ATP2B1: variants seen among roughly 807,000 people sequenced by gnomAD.
ATP2B1 encodes plasma membrane calcium-transporting ATPase 1.
In ATP2B1, 14 loss-of-function variants were observed where a neutral mutation model predicts 124.2. The observed-to-expected ratio is 0.11, with a 90% CI of 0.07 to 0.18. ATP2B1 has a LOEUF of 0.18. ATP2B1 is among the 10% of genes least tolerant of loss of function. The pLI is 1.00. For synonymous variants in ATP2B1, 449 were observed against 492.4 expected (o/e 0.91, Z 1.17); for missense variants, 763 against 1,466.1 (o/e 0.52, Z 7.83).
At chr12:89,664,851 C>CTTT (rs71307587) in intron 1 of ATP2B1, among the ~76,000 whole-genome samples, 3 of 142,858 alleles carry the variant, frequency 2.1e-5, no homozygotes, top group Non-Finnish European at 3.1e-5. Flanking sequence ...TTATGCTATT[C>CTTT]TTTTTTTTTT....
chr12:89,629,708 T>C (rs1239887444), intron 6 of ATP2B1, among the ~76,000 whole-genome samples: 1 of 152,220 alleles, frequency 6.6e-6, no homozygotes, highest in Non-Finnish European at 1.5e-5. Context: ...ATGGGTTTAC[T>C]ATCCTAAATA....
At chr12:89,704,132 A>G (rs1450051172) in intron 1 of ATP2B1, among the ~76,000 whole-genome samples, 2 of 152,220 alleles carry the variant, frequency 1.3e-5, no homozygotes, top group East Asian at 1.9e-4. Flanking sequence ...TTTAGGTAAT[A>G]AACATGTTAT....
At chr12:89,655,042 C>T (rs1447015288) in intron 2 of ATP2B1, among the ~76,000 whole-genome samples, 1 of 152,134 alleles carries the variant, frequency 6.6e-6, no homozygotes, top group Non-Finnish European at 1.5e-5. Context: ...AATGAATTCT[C>T]CTTTTTGATT....
At chr12:89,660,140 A>G (rs1886524657) in intron 1 of ATP2B1, among the ~76,000 whole-genome samples, 1 of 152,182 alleles carries the variant, frequency 6.6e-6, no homozygotes, top group African/African-American at 2.4e-5. Flanking sequence ...TATATTAGAT[A>G]GAAAAGGACC....
At chr12:89,644,100 G>A (rs763760468) in intron 2 of ATP2B1, among the ~76,000 whole-genome samples, 1 of 151,856 alleles carries the variant, frequency 6.6e-6, no homozygotes, top group Non-Finnish European at 1.5e-5. Flanking sequence ...CCAGCCTGGG[G>A]GATAGAGCAA....
chr12:89,648,923 G>A (rs1029163815), intron 2 of ATP2B1, among the ~76,000 whole-genome samples: 19 of 152,240 alleles, frequency 1.2e-4, no homozygotes, highest in African/African-American at 4.6e-4. Context: ...CCACAGCTCT[G>A]GAGGGTGCAA....
intron 2 of ATP2B1, among the ~76,000 whole-genome samples, chr12:89,654,419 A>T (rs1196805260): frequency 6.6e-6 from 1 of 152,206 alleles, no homozygotes; most frequent in East Asian, 1.9e-4. Flanking sequence ...ATAACTAAGA[A>T]GCTGGTGTTT....
intron 1 of ATP2B1, among the ~76,000 whole-genome samples, chr12:89,686,260 T>C (rs770684659): frequency 6.6e-6 from 1 of 152,116 alleles, no homozygotes; most frequent in African/African-American, 2.4e-5. Flanking sequence ...CAAAAGTATA[T>C]CCAGCTTAAG....
intron 7 of ATP2B1, 34 bp downstream of exon 7, chr12:89,627,644 C>A (rs895519660): frequency 6.2e-7 from 1 of 1,606,966 alleles, no homozygotes; most frequent in African/African-American, 1.3e-5. Flanking sequence ...ATAATGAAAA[C>A]AAGCTCACTG....
At chr12:89,629,005 C>CAA (rs1881400744) in intron 6 of ATP2B1, among the ~76,000 whole-genome samples, 1 of 151,422 alleles carries the variant, frequency 6.6e-6, no homozygotes, top group Non-Finnish European at 1.5e-5. Context: ...AAAACAACAA[C>CAA]AACAAAAAAA....
intron 2 of ATP2B1, among the ~76,000 whole-genome samples, chr12:89,648,867 G>A (rs1884864723): frequency 6.6e-6 from 1 of 152,258 alleles, no homozygotes; most frequent in African/African-American, 2.4e-5. Flanking sequence ...CATCCTGGCT[G>A]CTCTGGCTCC....
chr12:89,627,068 AC>A (rs1312135025), intron 7 of ATP2B1, among the ~76,000 whole-genome samples: 2 of 152,142 alleles, frequency 1.3e-5, no homozygotes, highest in Non-Finnish European at 2.9e-5. Context: ...TTTGCTACTA[AC>A]TATATAATAA....
intron 20 of ATP2B1, chr12:89,594,922 T>A (rs1874291715): frequency 6.6e-6 from 1 of 152,034 alleles, no homozygotes; most frequent in South Asian, 2.1e-4. Context: ...TACTTTTCTA[T>A]GTGCACTAAC....
At chr12:89,639,866 T>C (rs988263131) in intron 3 of ATP2B1, among the ~76,000 whole-genome samples, 2 of 152,188 alleles carry the variant, frequency 1.3e-5, no homozygotes, top group African/African-American at 4.8e-5. Flanking sequence ...TTGAAAGTAT[T>C]TTTTCTTTTG....
chr12:89,622,324 AGAGTT>A (rs1441316181), intron 9 of ATP2B1, among the ~76,000 whole-genome samples: 1 of 151,944 alleles, frequency 6.6e-6, no homozygotes, highest in Non-Finnish European at 1.5e-5. Context: ...TAACTCTGAT[AGAGTT>A]AACATATCAA....
At chr12:89,598,846 T>C (rs1034162285) in intron 20 of ATP2B1, 4 of 1,403,602 alleles carry the variant, frequency 2.8e-6, no homozygotes, top group Non-Finnish European at 3.9e-6. Flanking sequence ...AAAGGCACTT[T>C]TTACACAGCA....
intron 1 of ATP2B1, among the ~76,000 whole-genome samples, chr12:89,681,631 G>T (rs1048527164): frequency 3.3e-5 from 5 of 152,076 alleles, no homozygotes; most frequent in African/African-American, 1.2e-4. Context: ...TACAAAAATT[G>T]ATGCTAATAT....
chr12:89,684,915 A>G, intron 1 of ATP2B1, among the ~76,000 whole-genome samples: 1 of 152,144 alleles, frequency 6.6e-6, no homozygotes, highest in East Asian at 1.9e-4. Context: ...AATTCATTTC[A>G]ATTTCTAAAC....
intron 15 of ATP2B1, among the ~76,000 whole-genome samples, chr12:89,607,638 G>T (rs1461313505): frequency 6.6e-6 from 1 of 152,136 alleles, no homozygotes; most frequent in Non-Finnish European, 1.5e-5. Flanking sequence ...TACACCATGA[G>T]ATTCAGTCTT....
Sources: allele counts gnomAD v4.1 joint callset (sites outside exome capture counted in the v4.1 genomes callset), GRCh38; gene constraint gnomAD v4.1.1; transcripts MANE v1.5; gene names NCBI Gene and HGNC (gene_info 2026-07-23, HGNC 2026-07-21).